The following GPC6 variants were observed in gnomAD, a reference collection of about 807,000 sequenced individuals.
GPC6 encodes glypican 6, also known as glypican-6.
GPC6 carries 14 observed loss-of-function variants against 55.2 expected under a neutral mutation model. The observed-to-expected ratio is 0.25, with a 90% CI of 0.17 to 0.40. The LOEUF is 0.40. Ranked by LOEUF, GPC6 falls within the 10% of genes least tolerant of loss-of-function variation. The pLI is 1.00. For synonymous variants in GPC6, 278 were observed against 259.6 expected (o/e 1.07, Z -0.68); for missense variants, 641 against 708.5 (o/e 0.90, Z 1.08).
intron 1 of GPC6, among the ~76,000 whole-genome samples, chr13:93,270,504 T>C (rs1368134650): frequency 2.0e-5 from 3 of 152,068 alleles, no homozygotes; most frequent in Non-Finnish European, 4.4e-5. Flanking sequence ...CATTGTTTTA[T>C]TTCTGTATAC....
intron 3 of GPC6, among the ~76,000 whole-genome samples, chr13:93,928,280 G>C (rs1165893216): frequency 6.6e-6 from 1 of 152,148 alleles, no homozygotes; most frequent in East Asian, 1.9e-4. Context: ...TCTTGAAAGA[G>C]CAGTGTGGGA....
intron 4 of GPC6, among the ~76,000 whole-genome samples, chr13:94,133,285 A>C (rs1344708200): frequency 2.0e-5 from 3 of 151,576 alleles, no homozygotes; most frequent in Non-Finnish European, 4.4e-5. Flanking sequence ...AAAAAAAAAA[A>C]AAAAAAACCT....
At chr13:93,314,594 G>A (rs1183070953) in intron 1 of GPC6, among the ~76,000 whole-genome samples, 2 of 152,140 alleles carry the variant, frequency 1.3e-5, no homozygotes, top group Non-Finnish European at 2.9e-5. Flanking sequence ...GACCTTGGTT[G>A]CCTTGTTTAG....
At chr13:93,798,918 C>CAAA (rs57665046) in intron 2 of GPC6, among the ~76,000 whole-genome samples, 4 of 86,226 alleles carry the variant, frequency 4.6e-5, no homozygotes, top group East Asian at 3.8e-4. Context: ...GACTCTGTCT[C>CAAA]AAAAAAAAAA....
intron 1 of GPC6, among the ~76,000 whole-genome samples, chr13:93,378,766 C>A (rs1267030930): frequency 6.6e-6 from 1 of 151,952 alleles, no homozygotes; most frequent in Non-Finnish European, 1.5e-5. Context: ...GAGGCCGCAG[C>A]GGGTGGATCA....
rs147859653 is a variant in GPC6 at position 93,861,783 on chromosome 13, G to A, written c.711+31238G>A. Among the ~76,000 whole-genome samples the A allele has an allele frequency of 3.5e-3, 526 of 151,766 alleles. 2 individuals carry two copies. The highest frequency in any genetic ancestry group is 6.2e-3 in the Non-Finnish European group (418 of 67,746). The stretch of plus-strand genomic sequence containing the variant: ...AAAAATCAGCCCCTTCCTGACTGTG[G>A]CAGCACCCTCTGACCTCTTTACTGG... On this transcript the variant is annotated intron_variant, in intron 3 of 8. Coordinates refer to ENST00000377047, the MANE Select transcript of GPC6 (RefSeq NM_005708.5).
chr13:93,783,390 C>T (rs1425273425), intron 2 of GPC6, among the ~76,000 whole-genome samples: 1 of 82,612 alleles, frequency 1.2e-5, no homozygotes, highest in Non-Finnish European at 2.4e-5. Context: ...ATTGAGGAAT[C>T]ACCACACTGT....
chr13:94,390,548 G>A lies in GPC6; in HGVS notation c.1290-7918G>A, dbSNP rs187667460. 5.2e-4 allele frequency among the ~76,000 whole-genome samples: 79 copies of A among 152,262 alleles called. 2 individuals carry two copies. The East Asian group carries it at 0.014, about 27-fold the overall frequency. ...ACATGGCTGGAGCAGGAGGAAGAGA[G>A]GGAAGGGGGTGGTGCCACACAATTT... On this transcript the variant is annotated intron_variant, in intron 7 of 8. Coordinates refer to ENST00000377047, the MANE Select transcript of GPC6 (RefSeq NM_005708.5).
chr13:94,057,328 C>T (rs190606339), intron 4 of GPC6, among the ~76,000 whole-genome samples: 238 of 152,138 alleles, frequency 1.6e-3, no homozygotes, highest in Non-Finnish European at 2.3e-3. Flanking sequence ...TAGTTCTATT[C>T]GGGAGTGAAA....
intron 1 of GPC6, among the ~76,000 whole-genome samples, chr13:93,351,174 C>G (rs1457075062): frequency 2.0e-5 from 3 of 152,018 alleles, no homozygotes; most frequent in Non-Finnish European, 4.4e-5. Context: ...TTAAATTAGT[C>G]TGATAAACAA....
intron 1 of GPC6, among the ~76,000 whole-genome samples, chr13:93,384,916 C>A (rs1440698316): frequency 6.6e-6 from 1 of 152,208 alleles, no homozygotes; most frequent in Non-Finnish European, 1.5e-5. Context: ...ATGTGCCAGG[C>A]ACTGTGTTAG....
chr13:94,294,301 C>T (rs1166161154), intron 5 of GPC6, among the ~76,000 whole-genome samples: 1 of 152,114 alleles, frequency 6.6e-6, no homozygotes, highest in Non-Finnish European at 1.5e-5. Context: ...AGACTTATTA[C>T]ATTCCAATTG....
chr13:93,673,452 A>G (rs1881454614), intron 2 of GPC6, among the ~76,000 whole-genome samples: 1 of 152,122 alleles, frequency 6.6e-6, no homozygotes, highest in Admixed American at 6.6e-5. Context: ...GGTCAAAGCT[A>G]CAGTGAGTTG....
intron 4 of GPC6, among the ~76,000 whole-genome samples, chr13:94,219,891 A>G (rs1890332767): frequency 6.6e-6 from 1 of 152,144 alleles, no homozygotes; most frequent in South Asian, 2.1e-4. Flanking sequence ...TTTGTCATTC[A>G]GGTTCTGATG....
At chr13:94,308,731 C>T (rs959968854) in intron 6 of GPC6, among the ~76,000 whole-genome samples, 2 of 152,284 alleles carry the variant, frequency 1.3e-5, no homozygotes, top group Admixed American at 6.5e-5. Context: ...GTGTAATGCA[C>T]AGCCAGCCAT....
chr13:94,030,862 C>A (rs1883097366), intron 4 of GPC6, among the ~76,000 whole-genome samples: 1 of 152,182 alleles, frequency 6.6e-6, no homozygotes, highest in Non-Finnish European at 1.5e-5. Flanking sequence ...CCAGTCTTTA[C>A]AATGCCACAA....
chr13:93,289,170 C>T (rs560639843), intron 1 of GPC6, among the ~76,000 whole-genome samples: 1 of 152,238 alleles, frequency 6.6e-6, no homozygotes, highest in South Asian at 2.1e-4. Flanking sequence ...ATACTGATGA[C>T]TTTATTAATG....
chr13:93,943,350 A>C lies in GPC6; in HGVS notation c.712-84379A>C, dbSNP rs140119580. Among the ~76,000 whole-genome samples, 582 of 152,258 alleles carry C rather than the reference A, an allele frequency of 3.8e-3. 4 individuals carry two copies. The highest frequency in any genetic ancestry group is 0.013 in the African/African-American group (560 of 41,560). ...TGGCTCAACAGAGTGGCTTAACCCA[A>C]TGAGATGCGTACCCAAGAAAAGACT... On this transcript the variant is annotated intron_variant, in intron 3 of 8. Transcript: ENST00000377047.
chr13:93,810,260 G>A (rs1479742164), intron 2 of GPC6, among the ~76,000 whole-genome samples: 2 of 152,170 alleles, frequency 1.3e-5, no homozygotes, highest in Admixed American at 1.3e-4. Flanking sequence ...TAGCTACATT[G>A]AGTCCGTTTC....
Sources: gnomAD v4.1 joint callset for allele counts (sites outside exome capture counted in the v4.1 genomes callset) on GRCh38, gnomAD v4.1.1 for gene constraint, MANE v1.5 for transcripts, NCBI Gene and HGNC (gene_info 2026-07-23, HGNC 2026-07-21) for gene names.